HDAC9: variants seen among roughly 807,000 people sequenced by gnomAD.
HDAC9 encodes histone deacetylase 9.
A neutral mutation model predicts 139.4 loss-of-function variants in HDAC9; 41 were observed. That is an observed-to-expected ratio of 0.29 (90% confidence interval 0.23 to 0.38). The LOEUF is 0.38. Among genes scored for constraint, HDAC9 ranks in the 10% least tolerant of loss-of-function variants. The pLI is 1.00. For missense variants in HDAC9, 1,147 were observed against 1,297.0 expected (o/e 0.88, Z 1.78); for synonymous variants, 517 against 476.2 (o/e 1.09, Z -1.12).
At chr7:18,536,412 T>C (rs920324296) in intron 2 of HDAC9, among the ~76,000 whole-genome samples, 1 of 152,144 alleles carries the variant, frequency 6.6e-6, no homozygotes, top group Non-Finnish European at 1.5e-5. Flanking sequence ...GAGCCCAAAA[T>C]AAGAAAGAAC....
At position 18,829,488 on chromosome 7, in the gene HDAC9, A is replaced by T. The variant is rs768664631; in HGVS notation, c.2406A>T (p.Ala802=). Residue 802 remains alanine, a synonymous_variant, in exon 19 of 26, where the codon GCA becomes GCT. Coordinates refer to ENST00000686413, the MANE Select transcript of HDAC9 (RefSeq NM_178425.4). ...GGTTCTGCTTTTTTAATTCAGTTGC[A>T]ATTACCGCCAAATACTTGAGAGACC... is the stretch of plus-strand genomic sequence containing the variant. ...AMGFCFFNSV[A]ITAKYLRDQL... 1 of 1,612,504 alleles carries T rather than the reference A, an allele frequency of 6.2e-7. No homozygotes were observed. Among genetic ancestry groups the T allele is most frequent in the Non-Finnish European group, 8.5e-7 (1 of 1,178,708 alleles).
intron 22 of HDAC9, among the ~76,000 whole-genome samples, chr7:18,888,973 C>T (rs901883354): frequency 1.2e-4 from 18 of 152,150 alleles, no homozygotes; most frequent in African/African-American, 4.1e-4. Flanking sequence ...ACAGAAATTA[C>T]CTATTTCAGA....
At chr7:18,301,219 C>G (rs1585069783) in intron 1 of HDAC9, among the ~76,000 whole-genome samples, 1 of 152,114 alleles carries the variant, frequency 6.6e-6, no homozygotes, top group South Asian at 2.1e-4. Context: ...CTTCTCGCTT[C>G]TCAATATAAG....
At chr7:18,760,311 T>C (rs779737633) in intron 14 of HDAC9, among the ~76,000 whole-genome samples, 15 of 152,176 alleles carry the variant, frequency 9.9e-5, no homozygotes, top group Non-Finnish European at 2.1e-4. Context: ...CGTTTCCCTT[T>C]AATGTTGCCT....
intron 11 of HDAC9, 24 bp from the exon 12 acceptor site, chr7:18,666,189 G>C (rs1363845075): frequency 6.4e-7 from 1 of 1,562,406 alleles, no homozygotes; most frequent in African/African-American, 1.4e-5. Flanking sequence ...ACTGAATTTT[G>C]AACCCCTGAA....
intron 13 of HDAC9, among the ~76,000 whole-genome samples, chr7:18,745,979 C>T (rs1189382652): frequency 2.1e-5 from 3 of 142,690 alleles, no homozygotes; most frequent in South Asian, 2.2e-4. Context: ...GCTGCATTGG[C>T]GTCCTGGGCT....
intron 22 of HDAC9, among the ~76,000 whole-genome samples, chr7:18,914,202 C>A (rs1051092710): frequency 6.6e-6 from 1 of 151,588 alleles, no homozygotes; most frequent in Non-Finnish European, 1.5e-5. Context: ...ACTGAATCTC[C>A]TATCAATCTG....
chr7:18,171,204 G>A (rs1271415239), intron 2 of HDAC9, among the ~76,000 whole-genome samples: 1 of 152,102 alleles, frequency 6.6e-6, no homozygotes, highest in Non-Finnish European at 1.5e-5. Context: ...TCTCTTTGAA[G>A]CAATTGTGAA....
Position 18,180,226 on chromosome 7 carries a change from TACACACAC to T in HDAC9, c.25+17918_25+17925del, listed in dbSNP as rs67304424. Among the ~76,000 whole-genome samples the T allele has an allele frequency of 6.1e-3, 737 of 120,692 alleles. 3 individuals carry two copies. The highest frequency in any genetic ancestry group is 0.017 in the Admixed American group (213 of 12,252). 79.2% of individuals were successfully genotyped at this position (120,692 alleles called of 152,430 possible). A position where few individuals can be genotyped will look rare whatever the true frequency, so the allele number is the denominator to read the frequency against. ...TTGTGAGCACCCTCCCCAAGACACA[TACACACAC>T]ACACACACACACACACACACACACA... On this transcript the variant is annotated intron_variant, in intron 2 of 12. Transcript: ENST00000417496.
chr7:18,105,720 A>G (rs561418765), intron 1 of HDAC9, among the ~76,000 whole-genome samples: 1 of 152,034 alleles, frequency 6.6e-6, no homozygotes, highest in African/African-American at 2.4e-5. Context: ...GAGTTACTAT[A>G]TTAGCTAGGT....
In HDAC9 at chr7:18,895,165, C is replaced by T. The variant is rs536845569; in HGVS notation, c.2803+20569C>T. ...TTCACATATAACTTTAAAGTGAGACCAGTCAGAATAACTATGTCAAATAAC... is the reference window on the plus strand; with the variant it reads ...TTCACATATAACTTTAAAGTGAGACTAGTCAGAATAACTATGTCAAATAAC... On this transcript the variant is annotated intron_variant, in intron 22 of 25. Transcript: ENST00000686413. 2.6e-5 allele frequency among the ~76,000 whole-genome samples: 4 copies of T among 152,028 alleles called. 1 individual carries two copies. The highest frequency in any genetic ancestry group is 9.7e-5 in the African/African-American group (4 of 41,390).
chr7:18,394,436 A>G (rs537437302), intron 1 of HDAC9, among the ~76,000 whole-genome samples: 1 of 152,148 alleles, frequency 6.6e-6, no homozygotes, highest in Non-Finnish European at 1.5e-5. Flanking sequence ...TTGTCAGAGG[A>G]AACAAATGTT....
chr7:18,969,735 G>A (rs957981257), intron 24 of HDAC9, among the ~76,000 whole-genome samples: 2 of 152,100 alleles, frequency 1.3e-5, no homozygotes, highest in African/African-American at 4.8e-5. Context: ...TGGATTAATG[G>A]CATATTATGC....
chr7:18,219,117 C>T (rs2128174002), intron 2 of HDAC9, among the ~76,000 whole-genome samples: 2 of 152,254 alleles, frequency 1.3e-5, no homozygotes, highest in East Asian at 3.9e-4. Flanking sequence ...TATAGTATCT[C>T]ATGGCAGTTT....
chr7:18,449,541 G>C (rs1792603306), intron 1 of HDAC9, among the ~76,000 whole-genome samples: 1 of 152,014 alleles, frequency 6.6e-6, no homozygotes, highest in South Asian at 2.1e-4. Context: ...TGGTTTATTG[G>C]GAGTGTTTAC....
intron 2 of HDAC9, among the ~76,000 whole-genome samples, chr7:18,553,581 A>G (rs1817804187): frequency 6.6e-6 from 1 of 152,226 alleles, no homozygotes. Flanking sequence ...GCTTCGAAAG[A>G]TTCTGCTTTA....
chr7:18,600,644 C>G (rs1833705602), intron 6 of HDAC9, among the ~76,000 whole-genome samples: 1 of 152,124 alleles, frequency 6.6e-6, no homozygotes, highest in Non-Finnish European at 1.5e-5. Context: ...CTTGTCTGTT[C>G]TTTTGCCGAT....
intron 16 of HDAC9, among the ~76,000 whole-genome samples, chr7:18,771,048 C>A (rs1314890807): frequency 1.3e-5 from 2 of 152,074 alleles, no homozygotes; most frequent in Non-Finnish European, 1.5e-5. Flanking sequence ...TAGTGTCAGA[C>A]CCTTGATTGG....
intron 2 of HDAC9, among the ~76,000 whole-genome samples, chr7:18,567,608 C>G (rs954107423): frequency 1.3e-5 from 2 of 152,118 alleles, no homozygotes; most frequent in Admixed American, 1.3e-4. Flanking sequence ...CTATGATTAG[C>G]AATGTATTTC....
Sources: allele counts gnomAD v4.1 joint callset (sites outside exome capture counted in the v4.1 genomes callset), GRCh38; gene constraint gnomAD v4.1.1; transcripts MANE v1.5; gene names NCBI Gene and HGNC (gene_info 2026-07-23, HGNC 2026-07-21).